Variants in GRAMD2B observed in about 807,000 individuals in gnomAD.
GRAMD2B encodes GRAM domain containing 2B.
In GRAMD2B, 41 loss-of-function variants were observed where a neutral mutation model predicts 59.2. The ratio of observed to expected loss-of-function variants is 0.69; its 90% CI spans 0.54 to 0.90. The LOEUF (loss-of-function observed/expected upper bound fraction) is 0.90, where lower values mean the gene tolerates loss of function less well. Among genes scored for constraint, GRAMD2B ranks in the 40% least tolerant of loss-of-function variants. The pLI is 0.00. For synonymous variants in GRAMD2B, 161 were observed against 182.7 expected (o/e 0.88, Z 0.96); for missense variants, 424 against 500.5 (o/e 0.85, Z 1.46).
chr5:126,472,384 G>A lies in GRAMD2B; in HGVS notation c.382+80G>A, dbSNP rs1482922286. The A allele has an allele frequency of 2.8e-6, 3 of 1,084,742 alleles. No homozygotes were observed. The East Asian group carries it at 7.2e-5, about 26-fold the overall frequency. 67.2% of individuals were successfully genotyped at this position (1,084,742 alleles called of 1,614,324 possible). The stretch of plus-strand genomic sequence containing the variant: ...AGTTTTGGGGAAGAAAAAGGGCATA[G>A]TCCATGGACTGAGTCACCAAGGGGA... On this transcript the variant is annotated intron_variant, in intron 4 of 13. Coordinates refer to ENST00000285689, the MANE Select transcript of GRAMD2B (RefSeq NM_023927.4).
intron 1 of GRAMD2B, among the ~76,000 whole-genome samples, chr5:126,460,474 G>A (rs1767142386): frequency 6.6e-6 from 1 of 152,160 alleles, no homozygotes; most frequent in Admixed American, 6.5e-5. Context: ...TCTAGTTTGG[G>A]AGATTCTGAG....
intron 1 of GRAMD2B, among the ~76,000 whole-genome samples, chr5:126,384,363 G>A (rs936156948): frequency 2.6e-5 from 4 of 152,174 alleles, no homozygotes; most frequent in African/African-American, 9.6e-5. Flanking sequence ...TCATATTGCT[G>A]TGTTTAGATC....
In GRAMD2B at chr5:126,473,293, A is replaced by G. The variant is rs1384082375; in HGVS notation, c.411A>G (p.Ile137Met). The G allele has an allele frequency of 1.3e-6, 2 of 1,508,776 alleles. No homozygotes were observed. The highest frequency in any genetic ancestry group is 1.8e-6 in the Non-Finnish European group (2 of 1,114,394). 93.5% of individuals were successfully genotyped at this position (1,508,776 alleles called of 1,614,324 possible). A position where few individuals can be genotyped will look rare whatever the true frequency, so the allele number is the denominator to read the frequency against. The change falls in exon 5 of 14, where the codon ATA becomes ATG. Residue 137 changes from isoleucine to methionine, a missense_variant. Ile to Met is a conservative substitution (Grantham distance 10, BLOSUM62 1). Transcript: ENST00000285689. ...QSFTCALQKE[I>M]LYQGKLFVSE... ...TTACCTGTGCTCTACAGAAAGAAAT[A>G]CTATACCAAGGAAAGCTCTTTGTAT...
intron 1 of GRAMD2B, among the ~76,000 whole-genome samples, chr5:126,449,826 G>A (rs1268524579): frequency 1.3e-5 from 2 of 152,188 alleles, no homozygotes; most frequent in African/African-American, 2.4e-5. Flanking sequence ...TGGCCTCTGG[G>A]AGAGTCCTGT....
chr5:126,481,984 A>C (rs1561601065), intron 8 of GRAMD2B, among the ~76,000 whole-genome samples: 1 of 145,318 alleles, frequency 6.9e-6, no homozygotes, highest in African/African-American at 2.6e-5. Flanking sequence ...AAAAAAAAAA[A>C]AAGGGGAGAT....
At chr5:126,379,275 T>C (rs189132574) in intron 1 of GRAMD2B, among the ~76,000 whole-genome samples, 1 of 152,326 alleles carries the variant, frequency 6.6e-6, no homozygotes, top group Non-Finnish European at 1.5e-5. Flanking sequence ...ATGGTATATA[T>C]ATACTACATT....
intron 1 of GRAMD2B, among the ~76,000 whole-genome samples, chr5:126,383,577 T>C (rs1285039448): frequency 6.6e-6 from 1 of 152,186 alleles, no homozygotes; most frequent in Admixed American, 6.5e-5. Flanking sequence ...AGTTTTTCTC[T>C]GCATTACTTA....
intron 1 of GRAMD2B, among the ~76,000 whole-genome samples, chr5:126,382,753 G>C (rs1755767266): frequency 6.6e-6 from 1 of 152,092 alleles, no homozygotes; most frequent in Non-Finnish European, 1.5e-5. Flanking sequence ...TCTTTTGGGG[G>C]TGTTAAAAAA....
At chr5:126,411,420 TGG>T (rs1221755165) in intron 1 of GRAMD2B, among the ~76,000 whole-genome samples, 2 of 152,108 alleles carry the variant, frequency 1.3e-5, no homozygotes, top group African/African-American at 4.8e-5. Flanking sequence ...TGTAGGCATG[TGG>T]CTTGATTTGT....
chr5:126,369,380 A>C (rs964165106), upstream of GRAMD2B, among the ~76,000 whole-genome samples: 9 of 152,166 alleles, frequency 5.9e-5, no homozygotes, highest in African/African-American at 2.2e-4. Flanking sequence ...AGTTTTTTTA[A>C]TCTATAAAAA....
upstream of GRAMD2B, among the ~76,000 whole-genome samples, chr5:126,367,845 C>A (rs549091681): frequency 5.3e-5 from 8 of 152,112 alleles, no homozygotes; most frequent in Admixed American, 3.9e-4. Context: ...TCCACCTTCC[C>A]GGTTCACGCC....
chr5:126,426,337 A>G (rs1345693298), intron 1 of GRAMD2B, among the ~76,000 whole-genome samples: 1 of 151,896 alleles, frequency 6.6e-6, no homozygotes, highest in Non-Finnish European at 1.5e-5. Flanking sequence ...AATCAACTCA[A>G]GTTTTCCTTC....
At chr5:126,413,185 G>A (rs1335094864) in intron 1 of GRAMD2B, among the ~76,000 whole-genome samples, 2 of 151,810 alleles carry the variant, frequency 1.3e-5, no homozygotes, top group East Asian at 1.9e-4. Context: ...GTTTCCCTGG[G>A]GGTGATGTTA....
At chr5:126,420,651 T>C (rs754142840), upstream of GRAMD2B, among the ~76,000 whole-genome samples, 1 of 152,170 alleles carries the variant, frequency 6.6e-6, no homozygotes, top group African/African-American at 2.4e-5. Context: ...TTGCCCTTAC[T>C]CATGCATTAA....
At chr5:126,403,980 C>T (rs536112754) in intron 1 of GRAMD2B, among the ~76,000 whole-genome samples, 1 of 151,896 alleles carries the variant, frequency 6.6e-6, no homozygotes, top group Non-Finnish European at 1.5e-5. Flanking sequence ...CAAAAAAAAT[C>T]CACCACTTTG....
At chr5:126,373,065 C>G (rs1472027851) in intron 1 of GRAMD2B, among the ~76,000 whole-genome samples, 1 of 152,096 alleles carries the variant, frequency 6.6e-6, no homozygotes, top group Admixed American at 6.5e-5. Flanking sequence ...GCAAAAAAAG[C>G]TCCAGCCTAT....
intron 1 of GRAMD2B, among the ~76,000 whole-genome samples, chr5:126,454,548 A>T (rs1418512174): frequency 2.6e-5 from 4 of 152,194 alleles, no homozygotes; most frequent in African/African-American, 7.2e-5. Flanking sequence ...GAGTTATATG[A>T]GTTGCCTTAG....
chr5:126,456,557 A>G (rs1476690164), intron 1 of GRAMD2B, among the ~76,000 whole-genome samples: 1 of 152,140 alleles, frequency 6.6e-6, no homozygotes, highest in African/African-American at 2.4e-5. Flanking sequence ...TTACTTCATT[A>G]TCTGTAAAAA....
chr5:126,472,071 G>C (rs1769694116), intron 3 of GRAMD2B, among the ~76,000 whole-genome samples, 167 bp from the exon 4 acceptor site: 1 of 152,176 alleles, frequency 6.6e-6, no homozygotes, highest in Non-Finnish European at 1.5e-5. Flanking sequence ...TGTGTGCCCA[G>C]ACTTTCACTG....
Sources: allele counts gnomAD v4.1 joint callset (sites outside exome capture counted in the v4.1 genomes callset), GRCh38; gene constraint gnomAD v4.1.1; transcripts MANE v1.5; gene names NCBI Gene and HGNC (gene_info 2026-07-23, HGNC 2026-07-21).